TRIP10: variants seen among roughly 807,000 people sequenced by gnomAD.
TRIP10 encodes thyroid hormone receptor interactor 10, also known as cdc42-interacting protein 4.
TRIP10 carries 54 observed loss-of-function variants against 80.9 expected under a neutral mutation model. That is an observed-to-expected ratio of 0.67 (90% CI 0.54 to 0.84). The LOEUF is 0.84. Among genes scored for constraint, TRIP10 ranks in the 40% least tolerant of loss-of-function variants. The pLI is 0.00. For synonymous variants in TRIP10, 321 were observed against 307.2 expected (o/e 1.04, Z -0.47); for missense variants, 773 against 815.3 (o/e 0.95, Z 0.63).
In TRIP10 at chr19:6,745,250, A is replaced by C. The variant is rs1699176936; in HGVS notation, c.984+256A>C. 1 of 521,104 alleles carries C rather than the reference A, an allele frequency of 1.9e-6. No homozygotes were observed. The highest frequency in any genetic ancestry group is 2.6e-5 in the South Asian group (1 of 37,768). 32.3% of individuals were successfully genotyped at this position (521,104 alleles called of 1,614,324 possible). ...CTGCTTCTCGGGATGCTGGGAGAAA[A>C]CCTGCTGGTGGAATTCAGGGCTGGC... On this transcript the variant is annotated intron_variant, in intron 9 of 14. Coordinates refer to ENST00000313244, the MANE Select transcript of TRIP10 (RefSeq NM_001288962.2). This position sits in a 1 kb window ranked among gnomAD's most constrained non-coding sequence, Gnocchi z 7.2.
At position 6,746,340 on chromosome 19, in the gene TRIP10, C is replaced by A; in HGVS notation, c.1153-112C>A. The A allele has an allele frequency of 1.3e-6, 2 of 1,536,640 alleles. No individual in the cohort carries two copies. The highest frequency in any genetic ancestry group is 1.8e-6 in the Non-Finnish European group (2 of 1,132,570). On this transcript the variant is annotated intron_variant, in intron 10 of 14. Coordinates refer to ENST00000313244, the MANE Select transcript of TRIP10 (RefSeq NM_001288962.2). The surrounding 1 kb of genome is among the most constrained non-coding windows in gnomAD (Gnocchi z 6.2). ...CAGACCTGCTTTGCTCTGTGCATGGCTTCGCTGTCAAGAACCATGGCTGGG... is the reference window on the plus strand; with the variant it reads ...CAGACCTGCTTTGCTCTGTGCATGGATTCGCTGTCAAGAACCATGGCTGGG...
chr19:6,742,815 G>C (rs1968961273), intron 3 of TRIP10, 152 bp from the exon 4 acceptor site: 1 of 1,042,718 alleles, frequency 9.6e-7, no homozygotes, highest in Non-Finnish European at 1.4e-6. Flanking sequence ...TCAAGGGTTG[G>C]GGTTAAGGAA....
Position 6,743,007 on chromosome 19 carries a change from G to T in TRIP10, c.238G>T (p.Val80Leu). 1.2e-6 allele frequency: 2 copies of T among 1,614,172 alleles called. No individual in the cohort carries two copies. Among genetic ancestry groups the T allele is most frequent in the South Asian group, 2.2e-5 (2 of 91,084 alleles). Residue 80 changes from valine (V) to leucine (L), a missense_variant, in exon 4 of 15, where the codon GTG (valine) becomes TTG (leucine). Transcript: ENST00000313244. ...GTCCTTCGTACAGATTCTCCAGGAGGTGAATGACTTTGCAGGCCAGCGGGA... is the reference window on the plus strand; with the variant it reads ...GTCCTTCGTACAGATTCTCCAGGAGTTGAATGACTTTGCAGGCCAGCGGGA... ...QQSFVQILQE[V>L]NDFAGQRELV... is the part of the protein sequence containing the mutation.
Position 6,746,745 on chromosome 19 carries a change from C to T in TRIP10, c.1262+184C>T, listed in dbSNP as rs1969146947. On this transcript the variant is annotated intron_variant, in intron 11 of 14. Coordinates refer to ENST00000313244, the MANE Select transcript of TRIP10 (RefSeq NM_001288962.2). This position sits in a 1 kb window ranked among gnomAD's most constrained non-coding sequence, Gnocchi z 6.2. ...TTAGCTCACTGCAATCGCCACATCC[C>T]AGGTTCAAGCAATTCTTGTGCCTCA... Among the ~76,000 whole-genome samples the T allele has an allele frequency of 6.6e-6, 1 of 152,122 alleles. No individual in the cohort carries two copies. Among genetic ancestry groups the T allele is most frequent in the African/African-American group, 2.4e-5 (1 of 41,414 alleles).
At chr19:6,739,895 C>A in intron 1 of TRIP10, 110 bp downstream of exon 1, 1 of 1,238,238 alleles carries the variant, frequency 8.1e-7, no homozygotes, top group Admixed American at 3.5e-5. Context: ...TTCCACCGAC[C>A]CCTGGGTCCC....
In TRIP10 at chr19:6,744,997, G is replaced by C; in HGVS notation, c.984+3G>C. On this transcript the variant is annotated splice_donor_region_variant and intron_variant, in intron 9 of 14. Transcript: ENST00000313244. The surrounding 1 kb of genome is among the most constrained non-coding windows in gnomAD (Gnocchi z 4.9). ...GGCCTTTTGGCAAGAAGAACAAGGTGGGGGCCGGGACCCTTGGGATGGTGG... is the reference window on the plus strand; with the variant it reads ...GGCCTTTTGGCAAGAAGAACAAGGTCGGGGCCGGGACCCTTGGGATGGTGG... 6.2e-7 allele frequency: 1 copy of C among 1,612,572 alleles called. No individual in the cohort carries two copies. Among genetic ancestry groups the C allele is most frequent in the East Asian group, 2.2e-5 (1 of 44,884 alleles).
In TRIP10 at chr19:6,741,271, C is replaced by G. The variant is rs754561605; in HGVS notation, c.187C>G (p.Pro63Ala). ...YLPKRPAKDD[P>A]ESKFSQQQSF... ...GCCCAAGAGACCTGCCAAGGATGATCCTGAGTCCAAGTAAGGTTGGAGAGG... is the reference window on the plus strand; with the variant it reads ...GCCCAAGAGACCTGCCAAGGATGATGCTGAGTCCAAGTAAGGTTGGAGAGG... The change falls in exon 3 of 15, where the codon CCT becomes GCT. Residue 63 changes from proline to alanine, a missense_variant. By Grantham distance (27) the Pro-to-Ala change is conservative (BLOSUM62 -1). Transcript: ENST00000313244. 22 of 1,609,966 alleles carry G rather than the reference C, an allele frequency of 1.4e-5. No individual in the cohort carries two copies. The East Asian group carries it at 3.8e-4, about 28-fold the overall frequency.
In TRIP10 at chr19:6,750,376, G is replaced by A. The variant is rs148938980; in HGVS notation, c.1480G>A (p.Ala494Thr). 133 of 1,613,932 alleles carry A rather than the reference G, an allele frequency of 8.2e-5. No individual in the cohort carries two copies. Among genetic ancestry groups the A allele is most frequent in the Non-Finnish European group, 8.2e-5 (97 of 1,179,982 alleles). Residue 494 changes from alanine (A) to threonine (T), a missense_variant, in exon 13 of 15, where the codon GCT becomes ACT. Coordinates refer to ENST00000313244, the MANE Select transcript of TRIP10 (RefSeq NM_001288962.2). Reference sequence around the variant, plus strand: ...GCACGCCCGGCCTCCCGACCCCCCCGCTAGCGCCCCGCCAGACAGCAGCAG... The same window carrying A: ...GCACGCCCGGCCTCCCGACCCCCCCACTAGCGCCCCGCCAGACAGCAGCAG... The part of the protein sequence containing the change: ...SRHARPPDPP[A>T]SAPPDSSSNS...
At position 6,741,258 on chromosome 19, in the gene TRIP10, T is replaced by A. The variant is rs1469453196; in HGVS notation, c.174T>A (p.Pro58=). 6.2e-7 allele frequency: 1 copy of A among 1,611,154 alleles called. No individual in the cohort carries two copies. The change falls in exon 3 of 15, where the codon CCT becomes CCA. Residue 58 remains proline (P), a synonymous_variant. Transcript: ENST00000313244. ...TGAAAAAATATCTGCCCAAGAGACC[T>A]GCCAAGGATGATCCTGAGTCCAAGT... ...SLVKKYLPKR[P]AKDDPESKFS...
chr19:6,743,965 G>C, intron 7 of TRIP10, 129 bp downstream of exon 7: 1 of 1,251,430 alleles, frequency 8.0e-7, no homozygotes, highest in Non-Finnish European at 1.1e-6. Flanking sequence ...GAAACCTATA[G>C]TAACAGTGAG....
At chr19:6,750,888 C>T (rs899582960) in intron 14 of TRIP10, 175 bp from the exon 15 acceptor site, 15 of 1,162,846 alleles carry the variant, frequency 1.3e-5, no homozygotes, top group Admixed American at 3.2e-5. Context: ...CCCAGCTACT[C>T]GGGAGGCTGA....
At position 6,751,131 on chromosome 19, in the gene TRIP10, G is replaced by A. The variant is rs1198972952; in HGVS notation, c.1726G>A (p.Asp576Asn). 6.2e-7 allele frequency: 1 copy of A among 1,613,432 alleles called. No individual in the cohort carries two copies. The highest frequency in any genetic ancestry group is 1.3e-5 in the African/African-American group (1 of 74,898). ...DLSLMEEDKG[D>N]GWTRVRRKEG... ...CAGTCTTATGGAAGAAGACAAAGGG[G>A]ACGGCTGGACCCGGGTCAGGCGGAA... The change falls in exon 15 of 15, where the codon GAC becomes AAC. Residue 576 changes from aspartate (D) to asparagine (N), a missense_variant. Transcript: ENST00000313244.
At chr19:6,742,701 G>C (rs375788718) in intron 3 of TRIP10, among the ~76,000 whole-genome samples, 2 of 150,398 alleles carry the variant, frequency 1.3e-5, no homozygotes, top group Admixed American at 1.3e-4. Context: ...AGGATCACTT[G>C]AGCCCAGGAG....
chr19:6,739,892 G>A, intron 1 of TRIP10, 107 bp downstream of exon 1: 1 of 1,259,292 alleles, frequency 7.9e-7, no homozygotes, highest in Non-Finnish European at 1.0e-6. Context: ...CCCTTCCACC[G>A]ACCCCTGGGT....
Position 6,744,883 on chromosome 19 carries a change from G to A in TRIP10, c.873G>A (p.Met291Ile). ...AATTCGAGGACTTCAGCCAGCCCAT[G>A]AACCGTGCACCCTCCGACAGCAGTC... is the stretch of plus-strand genomic sequence containing the variant. ...DVEFEDFSQPMNRAPSDSSLG... is the reference protein window; with the variant it reads ...DVEFEDFSQPINRAPSDSSLG... Residue 291 changes from methionine to isoleucine, a missense_variant, in exon 9 of 15, where the codon ATG becomes ATA. By Grantham distance (10) the Met-to-Ile change is conservative (BLOSUM62 1). Transcript: ENST00000313244. The surrounding 1 kb of genome is among the most constrained non-coding windows in gnomAD (Gnocchi z 4.9). 1 of 1,614,246 alleles carries A rather than the reference G, an allele frequency of 6.2e-7. No individual in the cohort carries two copies. The highest frequency in any genetic ancestry group is 8.5e-7 in the Non-Finnish European group (1 of 1,180,048).
chr19:6,746,010 C>G lies in TRIP10; in HGVS notation c.985-19C>G, dbSNP rs1360570361. The G allele has an allele frequency of 1.1e-6, 1 of 876,814 alleles. No individual in the cohort carries two copies. Among genetic ancestry groups the G allele is most frequent in the African/African-American group, 1.8e-5 (1 of 54,474 alleles). 54.3% of individuals were successfully genotyped at this position (876,814 alleles called of 1,614,324 possible). The stretch of plus-strand genomic sequence containing the variant: ...CCCCACCCCTTCAACCTATCCCCCT[C>G]CCCGGCCCCCGCCGGTAGCCTCGCC... On this transcript the variant is annotated intron_variant, in intron 9 of 14. Transcript: ENST00000313244. The surrounding 1 kb of genome is among the most constrained non-coding windows in gnomAD (Gnocchi z 6.2).
At position 6,743,513 on chromosome 19, in the gene TRIP10, G is replaced by A. The variant is rs780009125; in HGVS notation, c.428G>A (p.Arg143Gln). ...QLENSKRKFE[R>Q]DCREAEKAAQ... ...ACACAGAGTAAGCGTAAATTTGAGC[G>A]GGACTGCCGGGAGGCAGAGAAGGCA... Residue 143 changes from arginine (R) to glutamine (Q), a missense_variant, in exon 6 of 15, where the codon CGG becomes CAG. Coordinates refer to ENST00000313244, the MANE Select transcript of TRIP10 (RefSeq NM_001288962.2). 9 of 1,613,696 alleles carry A rather than the reference G, an allele frequency of 5.6e-6. No homozygotes were observed. The East Asian group carries it at 8.9e-5, about 16-fold the overall frequency.
Position 6,744,003 on chromosome 19 carries a change from G to A in TRIP10, c.642+167G>A. The A allele has an allele frequency of 7.6e-6, 7 of 916,336 alleles. No homozygotes were observed. Among genetic ancestry groups the A allele is most frequent in the Admixed American group, 2.6e-5 (1 of 37,942 alleles). The allele number at this position is 916,336 out of a possible 1,614,324, so 56.8% of individuals were successfully genotyped here. A position where few individuals can be genotyped will look rare whatever the true frequency, so the allele number is the denominator to read the frequency against. ...GTGCTTTTAGTCAGCTGTTCTTCCT[G>A]CTGGGCATGCCTTTTACTTGTTTGT... On this transcript the variant is annotated intron_variant, in intron 7 of 14. Coordinates refer to ENST00000313244, the MANE Select transcript of TRIP10 (RefSeq NM_001288962.2). The surrounding 1 kb of genome is among the most constrained non-coding windows in gnomAD (Gnocchi z 4.9).
At position 6,742,093 on chromosome 19, in the gene TRIP10, A is replaced by AT. The variant is rs1378257635; in HGVS notation, c.197+814dup. Among the ~76,000 whole-genome samples, 4 of 27,894 alleles carry AT rather than the reference A, an allele frequency of 1.4e-4. No homozygotes were observed. The East Asian group carries it at 8.7e-3, about 60-fold the overall frequency. 18.3% of individuals were successfully genotyped at this position (27,894 alleles called of 152,430 possible). A position where few individuals can be genotyped will look rare whatever the true frequency, so the allele number is the denominator to read the frequency against. ...GAATGTTAACACCTCTCATTGTAAA[A>AT]TTAAAAAAAAAAATAGGGTTGGGCA... On this transcript the variant is annotated intron_variant, in intron 3 of 14. Transcript: ENST00000313244.
Sources: allele counts gnomAD v4.1 joint callset (sites outside exome capture counted in the v4.1 genomes callset), GRCh38; gene constraint gnomAD v4.1.1; non-coding constraint Gnocchi (gnomAD v3.1); transcripts MANE v1.5; gene names NCBI Gene and HGNC (gene_info 2026-07-23, HGNC 2026-07-21).